Variants in CNTNAP5 observed in about 807,000 individuals in gnomAD.
The protein encoded by CNTNAP5 is contactin associated protein family member 5, also known as contactin-associated protein-like 5.
In CNTNAP5, 72 loss-of-function variants were observed where a neutral mutation model predicts 150.2. The ratio of observed to expected loss-of-function variants is 0.48; its 90% CI spans 0.40 to 0.58. CNTNAP5 has a LOEUF of 0.58. Among genes scored for constraint, CNTNAP5 ranks in the 20% least tolerant of loss-of-function variants. The pLI, the probability that CNTNAP5 is intolerant of heterozygous loss-of-function variation, is 0.00. For missense variants in CNTNAP5, 1,636 were observed against 1,626.2 expected (o/e 1.01, Z -0.10); for synonymous variants, 672 against 619.8 (o/e 1.08, Z -1.25).
chr2:124,418,427 C>A (rs554038647), intron 4 of CNTNAP5, among the ~76,000 whole-genome samples: 1 of 152,116 alleles, frequency 6.6e-6, no homozygotes, highest in African/African-American at 2.4e-5. Context: ...AACTGAATGC[C>A]TGTATCAGAA....
At chr2:124,772,224 A>G (rs1573606877) in intron 16 of CNTNAP5, among the ~76,000 whole-genome samples, 1 of 152,208 alleles carries the variant, frequency 6.6e-6, no homozygotes, top group Admixed American at 6.5e-5. Flanking sequence ...ATAGAGAGGC[A>G]GAAAGAATAA....
intron 22 of CNTNAP5, among the ~76,000 whole-genome samples, chr2:124,906,648 A>T (rs544346772): frequency 1.3e-5 from 2 of 152,206 alleles, no homozygotes; most frequent in Non-Finnish European, 1.5e-5. Flanking sequence ...CAGGACTCTT[A>T]GCCAAGACTT....
intron 13 of CNTNAP5, among the ~76,000 whole-genome samples, chr2:124,713,175 T>TC (rs541912427): frequency 0.026 from 2,721 of 105,262 alleles, 415 homozygotes; most frequent in East Asian, 0.045. Flanking sequence ...TCCCTCTCTC[T>TC]TTTCCTCCTT....
chr2:124,677,512 GCTGATTGGTCTGTTTTTATAGAGTA>G (rs1678970621), intron 13 of CNTNAP5, among the ~76,000 whole-genome samples: 1 of 152,200 alleles, frequency 6.6e-6, no homozygotes, highest in African/African-American at 2.4e-5. Context: ...TTTACAGAGT[GCTGATTGGTCTGTTTTTATAGAGTA>G]CTGATTGGTG....
At chr2:124,802,634 G>A (rs1186314411) in intron 19 of CNTNAP5, among the ~76,000 whole-genome samples, 1 of 152,176 alleles carries the variant, frequency 6.6e-6, no homozygotes. Flanking sequence ...CAGAAAGGGA[G>A]ATGAGCTCAT....
intron 6 of CNTNAP5, among the ~76,000 whole-genome samples, chr2:124,462,918 A>G (rs927403239): frequency 5.1e-4 from 77 of 152,214 alleles, no homozygotes; most frequent in African/African-American, 1.8e-3. Context: ...GCCACCCCTC[A>G]GGAAGGCAGA....
chr2:124,493,295 C>T (rs1161575859), intron 7 of CNTNAP5, among the ~76,000 whole-genome samples: 1 of 151,350 alleles, frequency 6.6e-6, no homozygotes, highest in African/African-American at 2.4e-5. Context: ...TGCATTGCAG[C>T]CTCTCCTTAT....
intron 1 of CNTNAP5, among the ~76,000 whole-genome samples, chr2:124,217,823 T>A (rs764720005): frequency 2.0e-5 from 3 of 152,178 alleles, no homozygotes; most frequent in Non-Finnish European, 4.4e-5. Context: ...CATTTTCCCA[T>A]CTATTCTTAT....
intron 19 of CNTNAP5, among the ~76,000 whole-genome samples, chr2:124,802,551 G>A (rs1479197528): frequency 6.6e-6 from 1 of 152,172 alleles, no homozygotes; most frequent in Non-Finnish European, 1.5e-5. Flanking sequence ...ATAACCTAGG[G>A]CTGTGGCCAC....
rs1678805787 is a variant in CNTNAP5 at position 124,918,132 on chromosome 2, T to C, written c.*3844T>C. 6.6e-6 allele frequency among the ~76,000 whole-genome samples: 1 copy of C among 152,018 alleles called. No homozygotes were observed. The highest frequency in any genetic ancestry group is 1.5e-5 in the Non-Finnish European group (1 of 67,974). On this transcript the variant is annotated 3_prime_UTR_variant, in exon 24 of 24. Transcript: ENST00000682447. ...CTTGTTTCGGGTCAGGTTGGGGGAT[T>C]CCAAAAGTCTTGCCTCCCATGAGTT... is the stretch of plus-strand genomic sequence containing the variant.
chr2:124,348,126 C>A (rs909028771), intron 3 of CNTNAP5, among the ~76,000 whole-genome samples: 14 of 152,106 alleles, frequency 9.2e-5, no homozygotes, highest in Admixed American at 9.2e-4. Flanking sequence ...CATACTATCT[C>A]CACAATTTTT....
intron 21 of CNTNAP5, among the ~76,000 whole-genome samples, chr2:124,881,712 A>AT (rs908758246): frequency 6.6e-6 from 1 of 151,898 alleles, no homozygotes; most frequent in African/African-American, 2.4e-5. Flanking sequence ...CCAGCCTTGA[A>AT]TTTTTTACCA....
intron 1 of CNTNAP5, among the ~76,000 whole-genome samples, chr2:124,041,773 T>A (rs1179737079): frequency 1.3e-5 from 2 of 152,172 alleles, no homozygotes; most frequent in African/African-American, 2.4e-5. Flanking sequence ...CAGATAATTA[T>A]GTAGCTCAAA....
chr2:124,735,286 T>G (rs1008332782), intron 13 of CNTNAP5, among the ~76,000 whole-genome samples: 1 of 152,184 alleles, frequency 6.6e-6, no homozygotes, highest in South Asian at 2.1e-4. Flanking sequence ...ATATAAGACT[T>G]CTAAGGAAAA....
At chr2:124,258,261 C>G (rs1435297348) in intron 3 of CNTNAP5, among the ~76,000 whole-genome samples, 8 of 152,056 alleles carry the variant, frequency 5.3e-5, no homozygotes, top group Non-Finnish European at 1.0e-4. Flanking sequence ...TGTTCCCAGC[C>G]AACAGTTTTC....
chr2:124,437,767 G>T (rs1239416098), intron 5 of CNTNAP5, among the ~76,000 whole-genome samples: 8 of 152,082 alleles, frequency 5.3e-5, no homozygotes, highest in Admixed American at 5.2e-4. Flanking sequence ...AAAAGCAAGA[G>T]AAATACAGGA....
At chr2:124,863,785 G>A (rs559217305) in intron 19 of CNTNAP5, among the ~76,000 whole-genome samples, 7 of 152,254 alleles carry the variant, frequency 4.6e-5, no homozygotes, top group Non-Finnish European at 8.8e-5. Flanking sequence ...AGATGGGCAG[G>A]CTGAGAGAGT....
intron 1 of CNTNAP5, among the ~76,000 whole-genome samples, chr2:124,057,447 AATTTT>A (rs1681883052): frequency 3.6e-5 from 1 of 27,526 alleles, no homozygotes; most frequent in Admixed American, 3.9e-4. Flanking sequence ...ACGGCCAGCT[AATTTT>A]TTTTTTTTTT....
chr2:124,489,118 G>A (rs2104847607), intron 7 of CNTNAP5, among the ~76,000 whole-genome samples: 1 of 152,250 alleles, frequency 6.6e-6, no homozygotes, highest in East Asian at 1.9e-4. Context: ...TATGTCCTCT[G>A]GATAATGTCT....
Sources: gnomAD v4.1 joint callset for allele counts (sites outside exome capture counted in the v4.1 genomes callset) on GRCh38, gnomAD v4.1.1 for gene constraint, MANE v1.5 for transcripts, NCBI Gene and HGNC (gene_info 2026-07-23, HGNC 2026-07-21) for gene names.